Variants in CMTM8 observed in about 807,000 individuals in gnomAD.
The protein encoded by CMTM8 is CKLF-like MARVEL transmembrane domain-containing protein 8.
CMTM8 carries 12 observed loss-of-function variants against 18.6 expected under a neutral mutation model. The observed-to-expected ratio is 0.65, with a 90% CI of 0.41 to 1.05. CMTM8 has a LOEUF of 1.05. Ranked by LOEUF, CMTM8 falls within the 50% of genes least tolerant of loss-of-function variation. CMTM8 has a pLI of 0.00. For synonymous variants in CMTM8, 87 were observed against 90.6 expected, an observed-to-expected ratio of 0.96 and a Z score of 0.23; for missense variants, 217 against 227.2, an observed-to-expected ratio of 0.95 and a Z score of 0.29.
At chr3:32,329,762 C>T (rs541368232) in intron 1 of CMTM8, among the ~76,000 whole-genome samples, 2 of 152,174 alleles carry the variant, frequency 1.3e-5, no homozygotes, top group Admixed American at 1.3e-4. Context: ...GAAGTCCTAT[C>T]CAGGCGAGAA....
At chr3:32,349,457 T>G (rs73069456) in intron 1 of CMTM8, among the ~76,000 whole-genome samples, 1 of 151,974 alleles carries the variant, frequency 6.6e-6, no homozygotes, top group Non-Finnish European at 1.5e-5. Flanking sequence ...AGGCCTTTGT[T>G]TCCACTATAA....
intron 1 of CMTM8, among the ~76,000 whole-genome samples, chr3:32,256,819 G>A (rs1451594285): frequency 1.3e-5 from 2 of 152,244 alleles, no homozygotes; most frequent in African/African-American, 4.8e-5. Flanking sequence ...TCCCTGCTGA[G>A]AATATATTCC....
intron 2 of CMTM8, among the ~76,000 whole-genome samples, chr3:32,365,402 A>C (rs1697013800): frequency 6.6e-6 from 1 of 151,786 alleles, no homozygotes; most frequent in African/African-American, 2.4e-5. Context: ...CAAAAAAAGA[A>C]GTTGGAAACC....
chr3:32,244,626 G>A (rs958227624), intron 1 of CMTM8, among the ~76,000 whole-genome samples: 3 of 151,858 alleles, frequency 2.0e-5, no homozygotes, highest in Non-Finnish European at 4.4e-5. Flanking sequence ...TTACTATGCC[G>A]TGAACATTTT....
intron 1 of CMTM8, among the ~76,000 whole-genome samples, chr3:32,320,347 C>T (rs537814552): frequency 6.6e-6 from 1 of 152,308 alleles, no homozygotes; most frequent in East Asian, 1.9e-4. Context: ...ACCTTGACAA[C>T]TTTAAGCTGT....
chr3:32,261,945 C>T (rs1203621974), intron 1 of CMTM8, among the ~76,000 whole-genome samples: 1 of 152,100 alleles, frequency 6.6e-6, no homozygotes. Flanking sequence ...TGGTTGAAGC[C>T]GCAAGGGATT....
intron 1 of CMTM8, among the ~76,000 whole-genome samples, chr3:32,269,596 G>A (rs1182683262): frequency 6.6e-6 from 1 of 152,090 alleles, no homozygotes; most frequent in Non-Finnish European, 1.5e-5. Flanking sequence ...TCAGGTGGGA[G>A]CTGACGCTTT....
At chr3:32,312,711 A>C (rs1695843231) in intron 1 of CMTM8, among the ~76,000 whole-genome samples, 1 of 151,870 alleles carries the variant, frequency 6.6e-6, no homozygotes, top group Admixed American at 6.6e-5. Context: ...TTCCCTACCC[A>C]GAGGTTGGGA....
chr3:32,293,723 G>A (rs1195716775), intron 1 of CMTM8, among the ~76,000 whole-genome samples: 1 of 152,194 alleles, frequency 6.6e-6, no homozygotes, highest in Non-Finnish European at 1.5e-5. Context: ...GCACACACCT[G>A]TAGTCCCAGC....
intron 1 of CMTM8, among the ~76,000 whole-genome samples, chr3:32,270,730 G>C (rs1283970185): frequency 1.3e-5 from 2 of 152,148 alleles, no homozygotes; most frequent in African/African-American, 4.8e-5. Context: ...TGGGGTGGGG[G>C]GAGCGGGGAG....
At chr3:32,293,425 G>A (rs1196916789) in intron 1 of CMTM8, among the ~76,000 whole-genome samples, 1 of 152,182 alleles carries the variant, frequency 6.6e-6, no homozygotes, top group Non-Finnish European at 1.5e-5. Flanking sequence ...GTGCCCACCT[G>A]TAATCCCAGC....
At chr3:32,269,634 A>T (rs1702405827) in intron 1 of CMTM8, among the ~76,000 whole-genome samples, 1 of 152,150 alleles carries the variant, frequency 6.6e-6, no homozygotes, top group South Asian at 2.1e-4. Context: ...GGTATGAAAA[A>T]GGTCAGTCCA....
Position 32,322,550 on chromosome 3 carries a change from T to A in CMTM8, c.148-34823T>A, listed in dbSNP as rs553530848. ...GGTAATGGATACCTGTTGAGTTATT[T>A]GTTCACAGTGTTTCTAGGAATTGTT... On this transcript the variant is annotated intron_variant, in intron 1 of 3. Transcript: ENST00000307526. Among the ~76,000 whole-genome samples the A allele has an allele frequency of 2.6e-5, 4 of 152,322 alleles. No homozygotes were observed. In the South Asian group the frequency reaches 8.3e-4, roughly 32 times the overall value.
chr3:32,326,299 G>A (rs1696153082), intron 1 of CMTM8, among the ~76,000 whole-genome samples: 1 of 152,176 alleles, frequency 6.6e-6, no homozygotes, highest in Non-Finnish European at 1.5e-5. Context: ...ATCACTGCCT[G>A]CTCAGTGAAT....
At chr3:32,313,254 A>G (rs992574048) in intron 1 of CMTM8, among the ~76,000 whole-genome samples, 1 of 152,098 alleles carries the variant, frequency 6.6e-6, no homozygotes, top group African/African-American at 2.4e-5. Context: ...CTCTTTCCCG[A>G]CGGATTCTTT....
At position 32,298,798 on chromosome 3, in the gene CMTM8, A is replaced by AATAT. The variant is rs139764907; in HGVS notation, c.148-58561_148-58558dup. Among the ~76,000 whole-genome samples, 760 of 136,218 alleles carry AATAT rather than the reference A, an allele frequency of 5.6e-3. 5 individuals are homozygous for AATAT. The highest frequency in any genetic ancestry group is 0.027 in the East Asian group (124 of 4,662). The allele number at this position is 136,218 out of a possible 152,430, so 89.4% of individuals were successfully genotyped here. On this transcript the variant is annotated intron_variant, in intron 1 of 3. Transcript: ENST00000307526. ...GGGGCATGCGCCACCACACCCAGCT[A>AATAT]ATATATATATATATATACACGTGTG... is the stretch of plus-strand genomic sequence containing the variant.
intron 1 of CMTM8, among the ~76,000 whole-genome samples, chr3:32,338,203 C>T (rs1479960944): frequency 3.3e-5 from 5 of 151,946 alleles, no homozygotes; most frequent in Admixed American, 2.0e-4. Flanking sequence ...GGGATGGTCT[C>T]GATCTCTTGA....
intron 1 of CMTM8, among the ~76,000 whole-genome samples, chr3:32,274,299 CAAA>C (rs11391716): frequency 7.4e-6 from 1 of 135,032 alleles, no homozygotes. Flanking sequence ...GACCCTGTCT[CAAA>C]AAAAAAAAAA....
chr3:32,334,377 C>T (rs1052447351), intron 1 of CMTM8, among the ~76,000 whole-genome samples: 1 of 151,948 alleles, frequency 6.6e-6, no homozygotes, highest in Non-Finnish European at 1.5e-5. Flanking sequence ...GAGGCCCAGG[C>T]AGGCAGATCA....
Sources: gnomAD v4.1 joint callset for allele counts (sites outside exome capture counted in the v4.1 genomes callset) on GRCh38, gnomAD v4.1.1 for gene constraint, MANE v1.5 for transcripts, NCBI Gene and HGNC (gene_info 2026-07-23, HGNC 2026-07-21) for gene names.